Variants in DNAH3 observed in about 807,000 individuals in gnomAD.
DNAH3 encodes the protein axonemal beta dynein heavy chain 3.
DNAH3 carries 332 observed loss-of-function variants against 432.5 expected under a neutral mutation model. That is an observed-to-expected ratio of 0.77 (90% CI 0.70 to 0.84). The LOEUF (loss-of-function observed/expected upper bound fraction) is 0.84. Among genes scored for constraint, DNAH3 ranks in the 40% least tolerant of loss-of-function variants. The probability of loss-of-function intolerance (pLI) is 0.00; values close to 1 mark genes in which losing one functional copy is unlikely to be tolerated. For missense variants in DNAH3, 4,861 were observed against 5,114.0 expected (o/e 0.95, Z 1.51); for synonymous variants, 1,956 against 1,900.2 (o/e 1.03, Z -0.76).
At position 21,003,073 on chromosome 16, in the gene DNAH3, A is replaced by G. The variant is rs529393694; in HGVS notation, c.6126+31T>C. On this transcript the variant is annotated intron_variant, in intron 42 of 61. Coordinates refer to ENST00000261383, the Ensembl canonical transcript of DNAH3. ...GAATATTTGGATGATTCTGGAAACC[A>G]AAGTTCCATGGCCAATGATTCTCTT... The G allele has an allele frequency of 7.7e-6, 11 of 1,436,806 alleles. No homozygotes were observed. In the African/African-American group the frequency reaches 1.4e-4, roughly 18 times the overall value. 89.0% of individuals were successfully genotyped at this position (1,436,806 alleles called of 1,614,324 possible).
At chr16:20,968,838 T>C (rs1287808541) in intron 52 of DNAH3, among the ~76,000 whole-genome samples, 2 of 151,150 alleles carry the variant, frequency 1.3e-5, no homozygotes, top group Non-Finnish European at 2.9e-5. Flanking sequence ...TTTTTCTCCC[T>C]GTCTCTGTCT....
At chr16:21,028,132 G>A (rs923523691) in intron 37 of DNAH3, among the ~76,000 whole-genome samples, 2 of 152,120 alleles carry the variant, frequency 1.3e-5, no homozygotes, top group Admixed American at 6.6e-5. Context: ...GATTACAGGT[G>A]TGTACCTTCA....
At chr16:21,073,284 A>T (rs1433104094) in intron 21 of DNAH3, among the ~76,000 whole-genome samples, 1 of 152,136 alleles carries the variant, frequency 6.6e-6, no homozygotes, top group Non-Finnish European at 1.5e-5. Flanking sequence ...CCTTGTCTGT[A>T]GTTACTTTAG....
At chr16:20,952,950 G>A (rs2084381856) in intron 55 of DNAH3, among the ~76,000 whole-genome samples, 1 of 152,082 alleles carries the variant, frequency 6.6e-6, no homozygotes, top group Admixed American at 6.6e-5. Flanking sequence ...CCCTCCTCGA[G>A]CTCACGGGAA....
In DNAH3 at chr16:21,020,369, A is replaced by T. The variant is rs1339141374; in HGVS notation, c.5777-500T>A. Among the ~76,000 whole-genome samples the T allele has an allele frequency of 5.9e-4, 34 of 57,800 alleles. 2 individuals are homozygous for T. Among genetic ancestry groups the T allele is most frequent in the Non-Finnish European group, 8.3e-4 (26 of 31,296 alleles). 37.9% of individuals were successfully genotyped at this position (57,800 alleles called of 152,430 possible). On this transcript the variant is annotated intron_variant, in intron 40 of 61. Transcript: ENST00000261383. Reference sequence around the variant, plus strand: ...GTGTGTATATATATATATATATATAAAATCACTATATATATATATATATAT... The same window carrying T: ...GTGTGTATATATATATATATATATATAATCACTATATATATATATATATAT...
intron 8 of DNAH3, 62 bp from the exon 10 acceptor site, chr16:21,125,432 C>T (rs1384699034): frequency 2.8e-5 from 40 of 1,430,134 alleles, no homozygotes; most frequent in Admixed American, 4.4e-5. Context: ...ACCCACTTGC[C>T]GTGCCCCCTG....
chr16:21,114,884 A>G (rs1431786750), intron 12 of DNAH3, among the ~76,000 whole-genome samples: 1 of 152,236 alleles, frequency 6.6e-6, no homozygotes, highest in Non-Finnish European at 1.5e-5. Context: ...AGTTGATCCC[A>G]TTACTGGGTA....
intron 7 of DNAH3, among the ~76,000 whole-genome samples, chr16:21,130,777 G>C (rs143398938): frequency 6.6e-6 from 1 of 152,030 alleles, no homozygotes; most frequent in Non-Finnish European, 1.5e-5. Context: ...TCTTTGCTAC[G>C]AGATCAATTT....
Position 21,070,804 on chromosome 16 carries a change from A to G in DNAH3, c.3107T>C (p.Ile1036Thr), listed in dbSNP as rs143020555. 7 of 1,609,930 alleles carry G rather than the reference A, an allele frequency of 4.3e-6. No individual in the cohort carries two copies. The highest frequency in any genetic ancestry group is 2.2e-5 in the South Asian group (2 of 90,982). The change falls in exon 22 of 62, where the codon ATT (isoleucine) becomes ACT (threonine). Residue 1036 changes from isoleucine (I) to threonine (T), a missense_variant. By Grantham distance (89) the Ile-to-Thr change is moderately conservative. Coordinates refer to ENST00000261383, the Ensembl canonical transcript of DNAH3. ...ATCAAGTAGCATTTGAATGTCATCA[A>G]TTGCACACAAGATGTTTGTATCCTG...
chr16:21,122,560 T>A (rs1039193039), intron 9 of DNAH3, among the ~76,000 whole-genome samples: 8 of 151,934 alleles, frequency 5.3e-5, no homozygotes, highest in Non-Finnish European at 1.0e-4. Flanking sequence ...CTCAAAAAAA[T>A]AAAAAACAAA....
chr16:21,005,778 T>A (rs963305390), intron 41 of DNAH3, among the ~76,000 whole-genome samples: 26 of 151,762 alleles, frequency 1.7e-4, no homozygotes, highest in Non-Finnish European at 3.2e-4. Context: ...ATTTTAACAG[T>A]GAGAGTAATA....
chr16:20,947,265 G>A (rs1197453540), intron 57 of DNAH3, among the ~76,000 whole-genome samples: 1 of 152,084 alleles, frequency 6.6e-6, no homozygotes, highest in Non-Finnish European at 1.5e-5. Flanking sequence ...GGTTCCTGGA[G>A]GGTATTTCAC....
chr16:21,112,131 C>T lies in DNAH3; in HGVS notation c.1815-33G>A, dbSNP rs375230702. Reference sequence around the variant, plus strand: ...ATTGAAGGGTGTGAAATCAAACACACAAATATAAGTCAACCAAATCAGATG... The same window carrying T: ...ATTGAAGGGTGTGAAATCAAACACATAAATATAAGTCAACCAAATCAGATG... On this transcript the variant is annotated intron_variant, in intron 12 of 61. Coordinates refer to ENST00000261383, the Ensembl canonical transcript of DNAH3. The T allele has an allele frequency of 4.8e-6, 7 of 1,449,880 alleles. No individual in the cohort carries two copies. In the African/African-American group the frequency reaches 9.8e-5, roughly 20 times the overall value. The allele number at this position is 1,449,880 out of a possible 1,614,324, so 89.8% of individuals were successfully genotyped here.
At chr16:21,039,801 A>G (rs747823679) in intron 33 of DNAH3, 51 bp downstream of exon 33, 3 of 1,339,402 alleles carry the variant, frequency 2.2e-6, no homozygotes, top group Non-Finnish European at 3.2e-6. Context: ...CCACGCAAAA[A>G]GCCGCTATTT....
At chr16:21,090,710 G>A (rs567597737) in intron 18 of DNAH3, among the ~76,000 whole-genome samples, 6 of 152,266 alleles carry the variant, frequency 3.9e-5, no homozygotes, top group African/African-American at 1.4e-4. Flanking sequence ...GAAACAGAGA[G>A]TAGAAAGGCA....
intron 31 of DNAH3, among the ~76,000 whole-genome samples, chr16:21,042,626 T>A (rs943008585): frequency 6.6e-6 from 1 of 152,194 alleles, no homozygotes; most frequent in South Asian, 2.1e-4. Flanking sequence ...ATTAAATTTT[T>A]TATTTCCCTT....
intron 57 of DNAH3, among the ~76,000 whole-genome samples, chr16:20,945,355 T>C (rs2083997164): frequency 6.6e-6 from 1 of 152,220 alleles, no homozygotes; most frequent in South Asian, 2.1e-4. Flanking sequence ...TTCTTGGAAT[T>C]GCCCACCCCT....
At chr16:21,140,767 G>T in intron 4 of DNAH3, 57 bp from the exon 6 acceptor site, 2 of 1,552,508 alleles carry the variant, frequency 1.3e-6, no homozygotes, top group South Asian at 2.3e-5. Flanking sequence ...AGGTGCTGTG[G>T]TGTTGCCTAC....
chr16:21,155,782 G>GC (rs2092893930), intron 1 of DNAH3, among the ~76,000 whole-genome samples: 2 of 152,086 alleles, frequency 1.3e-5, no homozygotes, highest in African/African-American at 4.8e-5. Flanking sequence ...AACATGGGGA[G>GC]CAGAGGTCAG....
Sources: allele counts gnomAD v4.1 joint callset (sites outside exome capture counted in the v4.1 genomes callset), GRCh38; gene constraint gnomAD v4.1.1; transcripts MANE v1.5; gene names NCBI Gene and HGNC (gene_info 2026-07-23, HGNC 2026-07-21).